SGCD: variants seen among roughly 807,000 people sequenced by gnomAD.
The protein encoded by SGCD is sarcoglycan delta, also known as delta-sarcoglycan.
Under a neutral mutation model 36.6 loss-of-function variants are expected in SGCD, and 18 were observed. That is an observed-to-expected ratio of 0.49 (90% confidence interval 0.34 to 0.73). The LOEUF is 0.73. Ranked by LOEUF, SGCD falls within the 30% of genes least tolerant of loss-of-function variation. The pLI, the probability that SGCD is intolerant of heterozygous loss-of-function variation, is 0.01. For synonymous variants in SGCD, 133 were observed against 130.6 expected, an observed-to-expected ratio of 1.02 and a Z score of -0.12; for missense variants, 387 against 346.7, an observed-to-expected ratio of 1.12 and a Z score of -0.92.
chr5:155,921,620 A>G (rs2113375488), intron 1 of SGCD, among the ~76,000 whole-genome samples: 1 of 152,266 alleles, frequency 6.6e-6, no homozygotes, highest in East Asian at 1.9e-4. Context: ...GATTCAAAAC[A>G]CAAATGGGAT....
intron 1 of SGCD, among the ~76,000 whole-genome samples, chr5:155,914,063 C>G (rs1756688005): frequency 6.6e-6 from 1 of 152,118 alleles, no homozygotes; most frequent in South Asian, 2.1e-4. Context: ...AATGAGAAAA[C>G]CGAGGTCCAA....
At chr5:156,273,933 A>G (rs1338444420) in intron 3 of SGCD, among the ~76,000 whole-genome samples, 2 of 152,308 alleles carry the variant, frequency 1.3e-5, no homozygotes, top group East Asian at 3.9e-4. Flanking sequence ...GGGATTGGAC[A>G]TAATTCCAAG....
At chr5:155,929,374 G>T (rs1002636675) in intron 1 of SGCD, among the ~76,000 whole-genome samples, 1 of 152,158 alleles carries the variant, frequency 6.6e-6, no homozygotes, top group African/African-American at 2.4e-5. Context: ...TCAGAAAAGA[G>T]AATTTAAAAG....
At chr5:156,582,795 G>GTGCA (rs374054760) in intron 4 of SGCD, among the ~76,000 whole-genome samples, 162 of 152,116 alleles carry the variant, frequency 1.1e-3, no homozygotes, top group African/African-American at 3.7e-3. Flanking sequence ...ACGCACACAG[G>GTGCA]TGCATGCATG....
chr5:155,848,392 A>C, the SGCD span, among the ~76,000 whole-genome samples: 1 of 152,112 alleles, frequency 6.6e-6, no homozygotes, highest in Non-Finnish European at 1.5e-5. Flanking sequence ...CAGGGTCTGA[A>C]AAGAGGTTGG....
At chr5:156,487,689 G>A (rs1290390894) in intron 3 of SGCD, among the ~76,000 whole-genome samples, 1 of 149,328 alleles carries the variant, frequency 6.7e-6, no homozygotes, top group African/African-American at 2.5e-5. Flanking sequence ...TCAGGAGGCT[G>A]AGGCAGGAGA....
intron 3 of SGCD, among the ~76,000 whole-genome samples, chr5:156,450,076 C>T (rs1053945969): frequency 6.6e-6 from 1 of 152,036 alleles, no homozygotes; most frequent in African/African-American, 2.4e-5. Context: ...CCTTTTGTAA[C>T]CCTTCAAACC....
intron 3 of SGCD, among the ~76,000 whole-genome samples, chr5:156,454,838 A>G (rs1020673191): frequency 2.0e-5 from 3 of 152,170 alleles, no homozygotes; most frequent in African/African-American, 7.2e-5. Context: ...ATTGTCAGGC[A>G]AAGCAAAGGT....
At chr5:156,746,209 G>A (rs1199886439) in intron 7 of SGCD, among the ~76,000 whole-genome samples, 1 of 151,974 alleles carries the variant, frequency 6.6e-6, no homozygotes, top group Non-Finnish European at 1.5e-5. Context: ...ACAGTGAGAA[G>A]CAGAATGTGA....
chr5:156,355,384 A>G (rs1561641270), intron 3 of SGCD, among the ~76,000 whole-genome samples: 1 of 152,210 alleles, frequency 6.6e-6, no homozygotes, highest in Admixed American at 6.5e-5. Context: ...GATAACTACT[A>G]TGTTTTTTAA....
the SGCD span, among the ~76,000 whole-genome samples, chr5:155,824,906 C>T: frequency 6.6e-6 from 1 of 152,282 alleles, no homozygotes; most frequent in Middle Eastern, 3.4e-3. Flanking sequence ...AATGACTTCT[C>T]TCTACTTGCT....
intron 1 of SGCD, among the ~76,000 whole-genome samples, chr5:155,996,925 G>GCAGA (rs149720494): frequency 1.3e-4 from 18 of 141,016 alleles, no homozygotes; most frequent in African/African-American, 2.7e-4. Context: ...AGACAGGCAG[G>GCAGA]CAGACAGACA....
At chr5:156,221,614 G>T in intron 3 of SGCD, among the ~76,000 whole-genome samples, 1 of 151,596 alleles carries the variant, frequency 6.6e-6, no homozygotes. Flanking sequence ...TACCTGTAGG[G>T]TAACTGTGAT....
At chr5:156,335,083 C>T (rs1768275153) in intron 2 of SGCD, among the ~76,000 whole-genome samples, 3 of 152,186 alleles carry the variant, frequency 2.0e-5, no homozygotes, top group South Asian at 2.1e-4. Context: ...TTAATTATAT[C>T]GATCTCCCAT....
intron 1 of SGCD, among the ~76,000 whole-genome samples, chr5:155,888,323 C>G (rs966752820): frequency 4.6e-5 from 7 of 152,178 alleles, no homozygotes; most frequent in Non-Finnish European, 8.8e-5. Context: ...TCCTTCATGG[C>G]CGTCTTACCA....
intron 1 of SGCD, among the ~76,000 whole-genome samples, chr5:155,999,451 T>G (rs1758619844): frequency 6.6e-6 from 1 of 152,212 alleles, no homozygotes; most frequent in South Asian, 2.1e-4. Flanking sequence ...CCTTTTAAAC[T>G]GGGGAGTTCA....
chr5:156,502,222 A>T (rs946320414), intron 3 of SGCD, among the ~76,000 whole-genome samples: 1 of 150,826 alleles, frequency 6.6e-6, no homozygotes, highest in Non-Finnish European at 1.5e-5. Flanking sequence ...AATTTTTTGT[A>T]TTTTTAGTAG....
At chr5:156,167,009 C>A (rs1763230466) in intron 3 of SGCD, among the ~76,000 whole-genome samples, 1 of 152,116 alleles carries the variant, frequency 6.6e-6, no homozygotes, top group Non-Finnish European at 1.5e-5. Context: ...CTACTTCCTT[C>A]TGATTTCTCC....
chr5:155,760,170 ACCAACACCCTCT>A, the SGCD span, among the ~76,000 whole-genome samples: 3 of 139,374 alleles, frequency 2.2e-5, no homozygotes, highest in Admixed American at 7.2e-5. Context: ...CATCATCCTC[ACCAACACCCTCT>A]CCATCATCAT....
Sources: allele counts gnomAD v4.1 joint callset (sites outside exome capture counted in the v4.1 genomes callset), GRCh38; gene constraint gnomAD v4.1.1; transcripts MANE v1.5; gene names NCBI Gene and HGNC (gene_info 2026-07-23, HGNC 2026-07-21).